The following CRTAC1 variants were observed in gnomAD, a reference collection of about 807,000 sequenced individuals.
CRTAC1 encodes the protein acidic secreted protein in cartilage.
Under a neutral mutation model 67.8 loss-of-function variants are expected in CRTAC1, and 37 were observed. That is an observed-to-expected ratio of 0.55 (90% CI 0.42 to 0.72). The LOEUF (loss-of-function observed/expected upper bound fraction) is 0.72. Ranked by LOEUF, CRTAC1 falls within the 30% of genes least tolerant of loss-of-function variation. CRTAC1 has a pLI of 0.00. For synonymous variants in CRTAC1, 348 were observed against 371.0 expected (o/e 0.94, Z 0.71); for missense variants, 780 against 931.6 (o/e 0.84, Z 2.12).
chr10:97,936,533 G>A (rs954225498), intron 2 of CRTAC1, among the ~76,000 whole-genome samples, 167 bp from the exon 3 acceptor site: 2 of 152,240 alleles, frequency 1.3e-5, no homozygotes, highest in Non-Finnish European at 1.5e-5. Flanking sequence ...AACCCTGAGT[G>A]TTGGATGAGT....
rs1177604481 is a variant in CRTAC1, at chr10:98,029,488, AGCAGCGGCGGCG to A, written c.24+949_24+960del. ...CACACTGGGTGCACCCACCAGCAGC[AGCAGCGGCGGCG>A]GCGGCGGCGGCGGCGGCGGCGGCGG... On this transcript the variant is annotated intron_variant, in intron 1 of 14. Transcript: ENST00000370597. The surrounding 1 kb of genome is among the most constrained non-coding windows in gnomAD (Gnocchi z 4.7). Among the ~76,000 whole-genome samples the A allele has an allele frequency of 1.5e-4, 18 of 122,838 alleles. No homozygotes were observed. Among genetic ancestry groups the A allele is most frequent in the East Asian group, 1.3e-3 (6 of 4,670 alleles). 80.6% of individuals were successfully genotyped at this position (122,838 alleles called of 152,430 possible). A position where few individuals can be genotyped will look rare whatever the true frequency, so the allele number is the denominator to read the frequency against.
intron 3 of CRTAC1, among the ~76,000 whole-genome samples, chr10:97,925,878 C>A (rs917325622): frequency 6.6e-6 from 1 of 152,004 alleles, no homozygotes; most frequent in African/African-American, 2.4e-5. Flanking sequence ...ACCCCTTGAC[C>A]CCTCAGGTGG....
chr10:97,933,201 A>C (rs1202653474), intron 3 of CRTAC1, among the ~76,000 whole-genome samples: 1 of 152,242 alleles, frequency 6.6e-6, no homozygotes, highest in South Asian at 2.1e-4. Context: ...CCCACTGTCG[A>C]TTAACCAATG....
intron 3 of CRTAC1, among the ~76,000 whole-genome samples, chr10:97,929,327 T>C (rs1466185335): frequency 6.6e-6 from 1 of 151,898 alleles, no homozygotes; most frequent in Non-Finnish European, 1.5e-5. Context: ...GGGACAGAGA[T>C]GGAGGCATCA....
intron 2 of CRTAC1, among the ~76,000 whole-genome samples, chr10:97,963,426 T>A (rs906939008): frequency 6.6e-6 from 1 of 152,190 alleles, no homozygotes; most frequent in Non-Finnish European, 1.5e-5. Context: ...TCCAGGTGAT[T>A]CTGATGCACT....
chr10:97,980,199 G>A (rs964740588), intron 2 of CRTAC1, among the ~76,000 whole-genome samples: 22 of 152,350 alleles, frequency 1.4e-4, no homozygotes, highest in African/African-American at 4.8e-4. Context: ...AAAGTGCTCA[G>A]GGCAATGCCA....
chr10:97,996,733 G>C (rs897721624), intron 2 of CRTAC1, among the ~76,000 whole-genome samples: 3 of 152,010 alleles, frequency 2.0e-5, no homozygotes, highest in South Asian at 4.2e-4. Flanking sequence ...CCCATTATTG[G>C]GTATATACCC....
intron 14 of CRTAC1, among the ~76,000 whole-genome samples, chr10:97,878,175 C>G (rs1432424569): frequency 6.6e-6 from 1 of 152,344 alleles, no homozygotes; most frequent in Admixed American, 6.5e-5. Flanking sequence ...GCTCCATGAC[C>G]TTGGGCACAG....
At chr10:97,973,992 G>T (rs1282829528) in intron 2 of CRTAC1, among the ~76,000 whole-genome samples, 1 of 145,988 alleles carries the variant, frequency 6.8e-6, no homozygotes, top group Non-Finnish European at 1.5e-5. Flanking sequence ...AAAAAAAAAA[G>T]GTTAAAAATG....
In CRTAC1 at chr10:97,895,297, G is replaced by A. The variant is rs199996337; in HGVS notation, c.1434C>T (p.Asp478=). ...TCTCACACAGGTAGCCTGAGCCCCC[G>A]TCGATGATCCTCAGGTGGGCCCCAC... The part of the protein sequence containing the change: ...KKSGAHLRII[D]GGSGYLCEME... Residue 478 remains aspartate (D), a synonymous_variant, in exon 11 of 15, where the codon GAC becomes GAT. Coordinates refer to ENST00000370597, the MANE Select transcript of CRTAC1 (RefSeq NM_018058.7). This position sits in a 1 kb window ranked among gnomAD's most constrained non-coding sequence, Gnocchi z 4.2. 50 of 1,613,562 alleles carry A rather than the reference G, an allele frequency of 3.1e-5. No individual in the cohort carries two copies. Among genetic ancestry groups the A allele is most frequent in the Admixed American group, 3.3e-5 (2 of 60,010 alleles).
chr10:97,865,381 C>A lies in CRTAC1; in HGVS notation c.*167G>T. On this transcript the variant is annotated 3_prime_UTR_variant, in exon 15 of 15. Coordinates refer to ENST00000370597, the MANE Select transcript of CRTAC1 (RefSeq NM_018058.7). ...TCACAGCTATGTGCCCAGCACAGGG[C>A]CTGGCCTTACGAGTCTCCCTAATTG... 2.5e-6 allele frequency: 2 copies of A among 795,102 alleles called. No homozygotes were observed. Among genetic ancestry groups the A allele is most frequent in the South Asian group, 4.4e-5 (2 of 45,104 alleles). 49.3% of individuals were successfully genotyped at this position (795,102 alleles called of 1,614,324 possible). A position where few individuals can be genotyped will look rare whatever the true frequency, so the allele number is the denominator to read the frequency against.
At chr10:98,011,089 C>T (rs368940615) in intron 2 of CRTAC1, 49 bp downstream of exon 2, 1 of 1,549,490 alleles carries the variant, frequency 6.5e-7, no homozygotes, top group Non-Finnish European at 8.9e-7. Context: ...AGCCTTATTA[C>T]AGCAAAATCT....
rs537843223 is a variant in CRTAC1 at position 97,978,301 on chromosome 10, A to G, written c.224+32837T>C. ...CTTGTGTACACAGGAGTGCTTCAGAAGCACTGCTTTGAGCTCCATTTTTTA... is the reference window on the plus strand; with the variant it reads ...CTTGTGTACACAGGAGTGCTTCAGAGGCACTGCTTTGAGCTCCATTTTTTA... On this transcript the variant is annotated intron_variant, in intron 2 of 14. Transcript: ENST00000370597. Among the ~76,000 whole-genome samples the G allele has an allele frequency of 7.2e-5, 11 of 152,268 alleles. No individual in the cohort carries two copies. In the East Asian group the frequency reaches 1.9e-3, roughly 27 times the overall value.
intron 2 of CRTAC1, among the ~76,000 whole-genome samples, chr10:97,937,186 C>T (rs759046008): frequency 9.9e-5 from 15 of 152,214 alleles, no homozygotes; most frequent in South Asian, 2.1e-4. Flanking sequence ...ACTCCCTCCT[C>T]GCTGCACTGA....
chr10:97,868,450 A>G (rs1215276941), intron 14 of CRTAC1: 1 of 152,264 alleles, frequency 6.6e-6, no homozygotes, highest in Non-Finnish European at 1.5e-5. Flanking sequence ...TGGGATCACA[A>G]ACTCAGGCCT....
intron 1 of CRTAC1, among the ~76,000 whole-genome samples, chr10:98,017,700 ATTTT>A (rs397846855): frequency 7.7e-6 from 1 of 129,166 alleles, no homozygotes; most frequent in Non-Finnish European, 1.7e-5. Context: ...ACTCCTGGCT[ATTTT>A]TTTTTTTTTT....
In CRTAC1 at chr10:97,899,377, C is replaced by G. The variant is rs141878316; in HGVS notation, c.1133+2126G>C. On this transcript the variant is annotated intron_variant, in intron 8 of 14. Transcript: ENST00000370597. ...GGCCAGCCTGCCTTGTCCTTCCACC[C>G]AGCCCTTTCTCCCCGCTGCAGGGGA... 2.3e-3 allele frequency among the ~76,000 whole-genome samples: 357 copies of G among 152,340 alleles called. 1 individual carries two copies. The highest frequency in any genetic ancestry group is 8.3e-3 in the African/African-American group (344 of 41,576).
chr10:98,016,014 A>G (rs1842989313), intron 1 of CRTAC1, among the ~76,000 whole-genome samples: 1 of 152,228 alleles, frequency 6.6e-6, no homozygotes, highest in Non-Finnish European at 1.5e-5. Flanking sequence ...AGAGCTGCCC[A>G]GGCTCAGTTT....
In CRTAC1 at chr10:97,903,515, C is replaced by A. The variant is rs367644795; in HGVS notation, c.996+1154G>T. The stretch of plus-strand genomic sequence containing the variant: ...CTTAGCAGGGAGGGAGTGGCTGGGC[C>A]TGGGCGTCCCAAGGTGGCTGCTTAC... On this transcript the variant is annotated intron_variant, in intron 7 of 14. Coordinates refer to ENST00000370597, the MANE Select transcript of CRTAC1 (RefSeq NM_018058.7). 1.3e-4 allele frequency among the ~76,000 whole-genome samples: 19 copies of A among 151,914 alleles called. No individual in the cohort carries two copies. The South Asian group carries it at 2.7e-3, about 22-fold the overall frequency.
Sources: gnomAD v4.1 joint callset for allele counts (sites outside exome capture counted in the v4.1 genomes callset) on GRCh38, gnomAD v4.1.1 for gene constraint, Gnocchi (gnomAD v3.1) non-coding constraint, MANE v1.5 for transcripts, NCBI Gene and HGNC (gene_info 2026-07-23, HGNC 2026-07-21) for gene names.